The following STXBP5L variants were observed in gnomAD, a reference collection of about 807,000 sequenced individuals.
STXBP5L encodes syntaxin binding protein 5L, also known as syntaxin-binding protein 5-like.
A neutral mutation model predicts 144.5 loss-of-function variants in STXBP5L; 65 were observed. The observed-to-expected ratio is 0.45, with a 90% confidence interval of 0.37 to 0.55. STXBP5L has a LOEUF of 0.55. Among genes scored for constraint, STXBP5L ranks in the 20% least tolerant of loss-of-function variants. The pLI, the probability that STXBP5L is intolerant of heterozygous loss-of-function variation, is 0.00. For missense variants in STXBP5L, 1,298 were observed against 1,405.5 expected, an observed-to-expected ratio of 0.92 and a Z score of 1.22; for synonymous variants, 505 against 469.6, an observed-to-expected ratio of 1.08 and a Z score of -0.97.
intron 3 of STXBP5L, among the ~76,000 whole-genome samples, chr3:120,960,861 TAACA>T (rs201421189): frequency 0.12 from 18,179 of 152,040 alleles, 1,119 homozygotes; most frequent in Non-Finnish European, 0.14. Flanking sequence ...TATACATATG[TAACA>T]AACCTGCACG....
At chr3:121,094,738 T>C (rs2043022329) in intron 5 of STXBP5L, among the ~76,000 whole-genome samples, 1 of 152,206 alleles carries the variant, frequency 6.6e-6, no homozygotes, top group Non-Finnish European at 1.5e-5. Context: ...TTTGCCAGTC[T>C]GTGTCTTTTA....
At chr3:121,361,772 T>TC (rs2045719668) in intron 20 of STXBP5L, among the ~76,000 whole-genome samples, 1 of 152,138 alleles carries the variant, frequency 6.6e-6, no homozygotes, top group South Asian at 2.1e-4. Flanking sequence ...CACATATCTC[T>TC]CTTTCTCCAG....
chr3:121,239,184 A>G, intron 13 of STXBP5L, 66 bp downstream of exon 13: 1 of 977,740 alleles, frequency 1.0e-6, no homozygotes. Flanking sequence ...TTTTTCCATT[A>G]CTTTATTTTC....
intron 5 of STXBP5L, among the ~76,000 whole-genome samples, chr3:121,090,569 G>T (rs1466124207): frequency 6.6e-6 from 1 of 152,076 alleles, no homozygotes; most frequent in African/African-American, 2.4e-5. Context: ...GGAACAGAAA[G>T]GGAATGAGTT....
intron 3 of STXBP5L, among the ~76,000 whole-genome samples, chr3:120,968,208 T>TTGTG (rs1355764858): frequency 5.3e-5 from 8 of 152,174 alleles, no homozygotes; most frequent in Non-Finnish European, 1.2e-4. Context: ...TGCTGTGGTT[T>TTGTG]TCTACTGTTA....
At chr3:121,291,457 TA>T (rs2051435356) in intron 19 of STXBP5L, among the ~76,000 whole-genome samples, 1 of 152,244 alleles carries the variant, frequency 6.6e-6, no homozygotes, top group East Asian at 1.9e-4. Context: ...GTAGACTCAA[TA>T]TTGTGAAAAT....
rs762091927 is a variant in STXBP5L, at chr3:121,027,094, T to C, written c.288-14606T>C. ...ATGTAAGTTTTTCTATTTATGTGTA[T>C]ATATGTATATATATATGTGTTTGTA... is the stretch of plus-strand genomic sequence containing the variant. On this transcript the variant is annotated intron_variant, in intron 3 of 26. Coordinates refer to ENST00000471454, the MANE Select transcript of STXBP5L (RefSeq NM_001308330.2). 5.3e-5 allele frequency among the ~76,000 whole-genome samples: 8 copies of C among 151,954 alleles called. 1 individual carries two copies. The South Asian group carries it at 6.2e-4, about 12-fold the overall frequency.
chr3:121,126,536 A>C (rs972823878), intron 7 of STXBP5L, among the ~76,000 whole-genome samples: 1 of 152,160 alleles, frequency 6.6e-6, no homozygotes, highest in Non-Finnish European at 1.5e-5. Flanking sequence ...TTCTGTGATT[A>C]GGGACTAATC....
chr3:121,395,511 C>T (rs2046706836), intron 22 of STXBP5L, among the ~76,000 whole-genome samples: 1 of 152,022 alleles, frequency 6.6e-6, no homozygotes, highest in African/African-American at 2.4e-5. Context: ...TGGTCAGGTT[C>T]CATTTTGTTT....
intron 2 of STXBP5L, among the ~76,000 whole-genome samples, chr3:120,930,131 A>G (rs894362691): frequency 6.2e-5 from 9 of 145,884 alleles, no homozygotes; most frequent in African/African-American, 2.3e-4. Context: ...TTTATCCTCT[A>G]CAATCCAGAG....
At chr3:120,955,239 C>G (rs1242790048) in intron 3 of STXBP5L, among the ~76,000 whole-genome samples, 3 of 151,848 alleles carry the variant, frequency 2.0e-5, no homozygotes, top group African/African-American at 7.3e-5. Flanking sequence ...TCTTCTTTAA[C>G]TCCTGTTATT....
chr3:121,034,454 A>G lies in STXBP5L; in HGVS notation c.288-7246A>G, dbSNP rs577543025. On this transcript the variant is annotated intron_variant, in intron 3 of 26. Coordinates refer to ENST00000471454, the MANE Select transcript of STXBP5L (RefSeq NM_001308330.2). Reference sequence around the variant, plus strand: ...AATTCCATTTATGTTGCTGCAAAAGATATGATTTCATTTTCTATGGCTGAA... The same window carrying G: ...AATTCCATTTATGTTGCTGCAAAAGGTATGATTTCATTTTCTATGGCTGAA... Among the ~76,000 whole-genome samples the G allele has an allele frequency of 3.9e-5, 6 of 152,182 alleles. No individual in the cohort carries two copies. In the South Asian group the frequency reaches 1.2e-3, roughly 32 times the overall value.
chr3:121,132,043 T>C (rs867171238), intron 7 of STXBP5L, among the ~76,000 whole-genome samples: 2 of 152,188 alleles, frequency 1.3e-5, no homozygotes, highest in African/African-American at 2.4e-5. Flanking sequence ...TTCATGTGTT[T>C]AGCACCTCAA....
chr3:121,012,767 C>T (rs1053307443), intron 3 of STXBP5L, among the ~76,000 whole-genome samples: 2 of 151,740 alleles, frequency 1.3e-5, no homozygotes, highest in African/African-American at 4.8e-5. Context: ...GAGGTTTGGG[C>T]TTCTAATGAT....
At chr3:120,953,402 C>G (rs1937660238) in intron 2 of STXBP5L, among the ~76,000 whole-genome samples, 1 of 145,536 alleles carries the variant, frequency 6.9e-6, no homozygotes. Context: ...GATCATGGCT[C>G]ACTGCAGCTT....
chr3:121,159,919 A>C (rs1452611559), intron 9 of STXBP5L, among the ~76,000 whole-genome samples: 4 of 152,144 alleles, frequency 2.6e-5, no homozygotes, highest in African/African-American at 9.7e-5. Flanking sequence ...GGCGTGAGCC[A>C]CCGCGCCCGG....
intron 5 of STXBP5L, among the ~76,000 whole-genome samples, chr3:121,053,611 G>A (rs1412248592): frequency 6.6e-6 from 1 of 152,142 alleles, no homozygotes; most frequent in Non-Finnish European, 1.5e-5. Context: ...AGACTTAAAT[G>A]TTAGACCTAA....
chr3:121,090,362 C>T (rs2042717476), intron 5 of STXBP5L, among the ~76,000 whole-genome samples: 1 of 152,092 alleles, frequency 6.6e-6, no homozygotes, highest in Admixed American at 6.6e-5. Flanking sequence ...CTCCACTATG[C>T]CTCCTCTTTT....
At chr3:121,070,538 C>T (rs2041763632) in intron 5 of STXBP5L, among the ~76,000 whole-genome samples, 1 of 152,092 alleles carries the variant, frequency 6.6e-6, no homozygotes, top group Admixed American at 6.6e-5. Context: ...TTTCCTTCTT[C>T]ATTCCTCCCT....
Sources: allele counts gnomAD v4.1 joint callset (sites outside exome capture counted in the v4.1 genomes callset), GRCh38; gene constraint gnomAD v4.1.1; transcripts MANE v1.5; gene names NCBI Gene and HGNC (gene_info 2026-07-23, HGNC 2026-07-21).